Variants in NTNG1 observed in about 807,000 individuals in gnomAD.
NTNG1 encodes netrin-G1.
NTNG1 carries 16 observed loss-of-function variants against 54.0 expected under a neutral mutation model. The observed-to-expected ratio is 0.30, with a 90% CI of 0.20 to 0.45. The LOEUF is 0.45. Ranked by LOEUF, NTNG1 falls within the 20% of genes least tolerant of loss-of-function variation. The pLI is 1.00. For missense variants in NTNG1, 530 were observed against 678.7 expected, an observed-to-expected ratio of 0.78 and a Z score of 2.43; for synonymous variants, 255 against 263.1, an observed-to-expected ratio of 0.97 and a Z score of 0.30.
chr1:107,406,770 T>C (rs895776935), intron 4 of NTNG1, among the ~76,000 whole-genome samples: 1 of 152,166 alleles, frequency 6.6e-6, no homozygotes, highest in Non-Finnish European at 1.5e-5. Context: ...TCAGTTTATA[T>C]AACTCTTGCA....
chr1:107,414,386 A>G (rs1170241244), intron 5 of NTNG1, among the ~76,000 whole-genome samples: 2 of 152,210 alleles, frequency 1.3e-5, no homozygotes, highest in African/African-American at 4.8e-5. Context: ...TATTTGATTC[A>G]TATTCTAAGC....
At chr1:107,404,120 TGTTAA>T (rs1228388909) in intron 4 of NTNG1, among the ~76,000 whole-genome samples, 4 of 150,726 alleles carry the variant, frequency 2.7e-5, no homozygotes, top group African/African-American at 4.9e-5. Context: ...TATATTTTAA[TGTTAA>T]GTTGTTTTTC....
chr1:107,409,506 A>G (rs1033915308), intron 5 of NTNG1: 3 of 152,176 alleles, frequency 2.0e-5, no homozygotes, highest in African/African-American at 7.2e-5. Flanking sequence ...GACCTTTTAC[A>G]CATCAAATCA....
intron 7 of NTNG1, among the ~76,000 whole-genome samples, chr1:107,473,737 T>C (rs1678131847): frequency 6.6e-6 from 1 of 152,236 alleles, no homozygotes. Flanking sequence ...TTTTGTAAAC[T>C]CATGGCAATT....
chr1:107,287,347 A>G (rs1665261552), intron 2 of NTNG1, among the ~76,000 whole-genome samples: 1 of 152,220 alleles, frequency 6.6e-6, no homozygotes, highest in Admixed American at 6.5e-5. Context: ...GATTAGGTGT[A>G]ACACAGAATA....
At chr1:107,375,787 A>T (rs1223813674) in intron 3 of NTNG1, among the ~76,000 whole-genome samples, 1 of 152,218 alleles carries the variant, frequency 6.6e-6, no homozygotes, top group Non-Finnish European at 1.5e-5. Flanking sequence ...GTAAATATGA[A>T]GTTCACCATG....
chr1:107,239,922 A>G (rs566072187), intron 2 of NTNG1, among the ~76,000 whole-genome samples: 2 of 152,346 alleles, frequency 1.3e-5, no homozygotes, highest in Admixed American at 1.3e-4. Flanking sequence ...TTAAATATAA[A>G]TTTGAGGTAA....
intron 3 of NTNG1, among the ~76,000 whole-genome samples, chr1:107,386,407 C>A (rs1040565891): frequency 3.9e-5 from 6 of 152,004 alleles, no homozygotes; most frequent in Non-Finnish European, 8.8e-5. Flanking sequence ...CTCCTGACCT[C>A]AAGTGATCTG....
intron 2 of NTNG1, among the ~76,000 whole-genome samples, chr1:107,240,194 G>T (rs997429369): frequency 4.0e-5 from 6 of 151,604 alleles, no homozygotes; most frequent in Non-Finnish European, 2.9e-5. Context: ...AGTGAATATA[G>T]TAAAGGTCTT....
At chr1:107,262,605 A>AAT (rs780929220) in intron 2 of NTNG1, among the ~76,000 whole-genome samples, 3 of 152,246 alleles carry the variant, frequency 2.0e-5, no homozygotes, top group Non-Finnish European at 4.4e-5. Flanking sequence ...ATGGTGACAT[A>AAT]ATAAATTGTA....
intron 2 of NTNG1, among the ~76,000 whole-genome samples, chr1:107,181,622 T>C (rs890431275): frequency 7.3e-6 from 1 of 137,352 alleles, no homozygotes; most frequent in African/African-American, 2.6e-5. Context: ...GTCATACAAC[T>C]CCATTAACTC....
At chr1:107,363,615 C>T (rs1025936101) in intron 3 of NTNG1, among the ~76,000 whole-genome samples, 1 of 152,092 alleles carries the variant, frequency 6.6e-6, no homozygotes, top group African/African-American at 2.4e-5. Context: ...CTATTCACTT[C>T]ATGCTTTTAT....
At chr1:107,188,306 A>T (rs1319826212) in intron 2 of NTNG1, among the ~76,000 whole-genome samples, 1 of 152,250 alleles carries the variant, frequency 6.6e-6, no homozygotes, top group African/African-American at 2.4e-5. Flanking sequence ...ACAAGGGGTG[A>T]TGCTTGGATG....
intron 2 of NTNG1, among the ~76,000 whole-genome samples, chr1:107,314,130 TG>T (rs1365206525): frequency 6.6e-6 from 1 of 151,978 alleles, no homozygotes; most frequent in African/African-American, 2.4e-5. Context: ...GAAGGCCAGG[TG>T]TGGTGGCTCA....
chr1:107,350,056 C>T (rs771167347), intron 3 of NTNG1, among the ~76,000 whole-genome samples: 9 of 152,066 alleles, frequency 5.9e-5, no homozygotes, highest in Admixed American at 1.3e-4. Flanking sequence ...TTTCTCTCTA[C>T]GAGTTGGTAT....
chr1:107,350,027 G>C (rs1349253952), intron 3 of NTNG1, among the ~76,000 whole-genome samples: 1 of 152,068 alleles, frequency 6.6e-6, no homozygotes, highest in Admixed American at 6.5e-5. Flanking sequence ...ATTTTCAACA[G>C]CAGGTCTAAA....
intron 2 of NTNG1, among the ~76,000 whole-genome samples, chr1:107,240,727 A>C (rs933696247): frequency 1.2e-4 from 19 of 152,218 alleles, no homozygotes; most frequent in Non-Finnish European, 1.3e-4. Context: ...TAGTGAAAAA[A>C]GGTGAACAAA....
At chr1:107,215,257 T>C (rs1659875338) in intron 2 of NTNG1, among the ~76,000 whole-genome samples, 1 of 152,162 alleles carries the variant, frequency 6.6e-6, no homozygotes. Context: ...ATTTGTATGG[T>C]TTCAGGTCTT....
intron 2 of NTNG1, among the ~76,000 whole-genome samples, chr1:107,225,670 A>T (rs764076997): frequency 6.6e-6 from 1 of 152,178 alleles, no homozygotes; most frequent in Non-Finnish European, 1.5e-5. Flanking sequence ...CATGTTAGTT[A>T]TATTTTTCTA....
Sources: gnomAD v4.1 joint callset for allele counts (sites outside exome capture counted in the v4.1 genomes callset) on GRCh38, gnomAD v4.1.1 for gene constraint, MANE v1.5 for transcripts, NCBI Gene and HGNC (gene_info 2026-07-23, HGNC 2026-07-21) for gene names.